RPS6KA2: variants seen among roughly 807,000 people sequenced by gnomAD.
RPS6KA2 encodes ribosomal protein S6 kinase alpha-2.
In RPS6KA2, 42 loss-of-function variants were observed where a neutral mutation model predicts 91.8. The ratio of observed to expected loss-of-function variants is 0.46; its 90% CI spans 0.36 to 0.59. The LOEUF (loss-of-function observed/expected upper bound fraction) is 0.59. Among genes scored for constraint, RPS6KA2 ranks in the 20% least tolerant of loss-of-function variants. The probability of loss-of-function intolerance (pLI) is 0.00; values close to 1 mark genes in which losing one functional copy is unlikely to be tolerated. For missense variants in RPS6KA2, 798 were observed against 978.5 expected (o/e 0.82, Z 2.46); for synonymous variants, 414 against 393.6 (o/e 1.05, Z -0.61).
chr6:166,508,568 G>C lies in RPS6KA2; in HGVS notation c.380-286C>G, dbSNP rs1782349595. Among the ~76,000 whole-genome samples the C allele has an allele frequency of 6.6e-6, 1 of 152,136 alleles. No homozygotes were observed. Among genetic ancestry groups the C allele is most frequent in the Non-Finnish European group, 1.5e-5 (1 of 68,024 alleles). On this transcript the variant is annotated intron_variant, in intron 4 of 20. Coordinates refer to ENST00000265678, the MANE Select transcript of RPS6KA2 (RefSeq NM_021135.6). The surrounding 1 kb of genome is among the most constrained non-coding windows in gnomAD (Gnocchi z 4.3). Reference sequence around the variant, plus strand: ...TTTTTTAATCACAAAGGAATTGAAAGATACACGGGGAGAAAGATGTGAATA... The same window carrying C: ...TTTTTTAATCACAAAGGAATTGAAACATACACGGGGAGAAAGATGTGAATA...
At chr6:166,547,267 G>A (rs896391783) in intron 1 of RPS6KA2, among the ~76,000 whole-genome samples, 3 of 152,172 alleles carry the variant, frequency 2.0e-5, no homozygotes, top group South Asian at 2.1e-4. Flanking sequence ...CAACACCACC[G>A]ACTTAGAGGA....
chr6:166,817,218 T>A (rs569976692), intron 2 of RPS6KA2, among the ~76,000 whole-genome samples: 29 of 152,256 alleles, frequency 1.9e-4, no homozygotes, highest in African/African-American at 6.0e-4. Context: ...CTTAGCACCA[T>A]GATTAAAGCT....
At chr6:166,696,912 T>G (rs763989190) in intron 2 of RPS6KA2, among the ~76,000 whole-genome samples, 2 of 152,206 alleles carry the variant, frequency 1.3e-5, no homozygotes, top group Non-Finnish European at 2.9e-5. Flanking sequence ...GCTCTCCTGG[T>G]TTTCAGGCTT....
At chr6:166,442,294 C>G (rs1779542824) in intron 14 of RPS6KA2, among the ~76,000 whole-genome samples, 2 of 152,196 alleles carry the variant, frequency 1.3e-5, no homozygotes, top group South Asian at 4.1e-4. Flanking sequence ...CTGGCTGAAA[C>G]AGAACACTGG....
intron 2 of RPS6KA2, among the ~76,000 whole-genome samples, chr6:166,819,583 C>T (rs1289062879): frequency 6.6e-6 from 1 of 152,190 alleles, no homozygotes; most frequent in Admixed American, 6.5e-5. Flanking sequence ...TTAAGGTCAA[C>T]TGTGTGTAGA....
chr6:166,448,717 G>A lies in RPS6KA2; in HGVS notation c.1332+7C>T. The stretch of plus-strand genomic sequence containing the variant: ...AGGGCCCTGCTCACTCAGCAGGCCT[G>A]CCTTACCTTCACGGCATACTCGGTG... On this transcript the variant is annotated splice_region_variant and intron_variant, in intron 14 of 20. Coordinates refer to ENST00000265678, the MANE Select transcript of RPS6KA2 (RefSeq NM_021135.6). This position sits in a 1 kb window ranked among gnomAD's most constrained non-coding sequence, Gnocchi z 4.7. 1 of 1,607,650 alleles carries A rather than the reference G, an allele frequency of 6.2e-7. No individual in the cohort carries two copies. Among genetic ancestry groups the A allele is most frequent in the Non-Finnish European group, 8.5e-7 (1 of 1,176,618 alleles).
At chr6:166,834,877 CT>C (rs1780280496) in intron 2 of RPS6KA2, among the ~76,000 whole-genome samples, 1 of 151,454 alleles carries the variant, frequency 6.6e-6, no homozygotes, top group African/African-American at 2.4e-5. Flanking sequence ...CAGTTCATGC[CT>C]TTTGTGCCAT....
At chr6:166,830,712 T>G (rs1487251321) in intron 2 of RPS6KA2, among the ~76,000 whole-genome samples, 1 of 152,098 alleles carries the variant, frequency 6.6e-6, no homozygotes, top group Non-Finnish European at 1.5e-5. Context: ...ACATTTCTCA[T>G]CACACCAAGC....
intron 2 of RPS6KA2, among the ~76,000 whole-genome samples, chr6:166,687,978 G>C (rs1406237428): frequency 2.0e-5 from 3 of 152,202 alleles, no homozygotes; most frequent in African/African-American, 7.2e-5. Context: ...GGGGGAGCCT[G>C]CTTGGGAAGG....
At chr6:166,592,378 C>T (rs112358372) in intron 1 of RPS6KA2, among the ~76,000 whole-genome samples, 2 of 152,288 alleles carry the variant, frequency 1.3e-5, no homozygotes, top group Admixed American at 6.5e-5. Context: ...TCTGGATTTA[C>T]AGGGGACTAC....
intron 1 of RPS6KA2, among the ~76,000 whole-genome samples, chr6:166,597,090 T>C (rs1429128754): frequency 6.6e-6 from 1 of 152,090 alleles, no homozygotes; most frequent in African/African-American, 2.4e-5. Flanking sequence ...AACCAGCCCA[T>C]GGTGTTCACC....
intron 2 of RPS6KA2, among the ~76,000 whole-genome samples, chr6:166,757,226 T>C (rs1778038289): frequency 6.6e-6 from 1 of 152,210 alleles, no homozygotes; most frequent in African/African-American, 2.4e-5. Context: ...GCAGAAAAAT[T>C]ACGGACACCC....
chr6:166,664,090 A>G (rs1276084189), intron 2 of RPS6KA2, among the ~76,000 whole-genome samples: 1 of 152,236 alleles, frequency 6.6e-6, no homozygotes, highest in African/African-American at 2.4e-5. Context: ...TTAATAACTT[A>G]TGTGTCCATC....
chr6:166,486,906 G>T (rs1005844964), intron 10 of RPS6KA2, among the ~76,000 whole-genome samples: 4 of 152,220 alleles, frequency 2.6e-5, no homozygotes, highest in Admixed American at 6.5e-5. Flanking sequence ...GCATGGCGCA[G>T]CTCCCAAAAC....
chr6:166,464,338 C>CAGCATCACAGCTA (rs1780440771), intron 11 of RPS6KA2, among the ~76,000 whole-genome samples: 1 of 152,216 alleles, frequency 6.6e-6, no homozygotes, highest in Admixed American at 6.5e-5. Flanking sequence ...TCCCATCTCA[C>CAGCATCACAGCTA]AGCATCACAG....
rs916816746 is a variant in RPS6KA2 at position 166,732,751 on chromosome 6, G to T, written c.123+125449C>A. 6.6e-6 allele frequency among the ~76,000 whole-genome samples: 1 copy of T among 152,196 alleles called. No individual in the cohort carries two copies. Among genetic ancestry groups the T allele is most frequent in the Admixed American group, 6.5e-5 (1 of 15,280 alleles). On this transcript the variant is annotated intron_variant, in intron 2 of 21. Transcript: ENST00000503859. This position sits in a 1 kb window ranked among gnomAD's most constrained non-coding sequence, Gnocchi z 4.0. Reference sequence around the variant, plus strand: ...CACCCAGGGCACAGCACAGGGGCCCGGTCAGAGCCTCTTCCTACCAGAGGT... The same window carrying T: ...CACCCAGGGCACAGCACAGGGGCCCTGTCAGAGCCTCTTCCTACCAGAGGT...
intron 14 of RPS6KA2, among the ~76,000 whole-genome samples, chr6:166,443,326 T>G (rs949282990): frequency 2.0e-5 from 3 of 151,932 alleles, no homozygotes; most frequent in African/African-American, 7.3e-5. Flanking sequence ...TCAACTTTTG[T>G]TTTTTTTGGT....
At chr6:166,577,258 G>A (rs1784862014) in intron 1 of RPS6KA2, among the ~76,000 whole-genome samples, 1 of 152,256 alleles carries the variant, frequency 6.6e-6, no homozygotes, top group African/African-American at 2.4e-5. Context: ...CCCACACAGA[G>A]TCCTTACTGT....
chr6:166,631,505 G>A (rs1787074802), upstream of RPS6KA2, among the ~76,000 whole-genome samples: 2 of 152,240 alleles, frequency 1.3e-5, no homozygotes, highest in South Asian at 4.1e-4. Context: ...CCGCTGTGAG[G>A]ACAGCTTTGG....
Sources: allele counts gnomAD v4.1 joint callset (sites outside exome capture counted in the v4.1 genomes callset), GRCh38; gene constraint gnomAD v4.1.1; non-coding constraint Gnocchi (gnomAD v3.1); transcripts MANE v1.5; gene names NCBI Gene and HGNC (gene_info 2026-07-23, HGNC 2026-07-21).